Variants in ADGRA2 observed in about 807,000 individuals in gnomAD.
ADGRA2 encodes G-protein coupled receptor 124.
A neutral mutation model predicts 98.7 loss-of-function variants in ADGRA2; 61 were observed. That is an observed-to-expected ratio of 0.62 (90% CI 0.50 to 0.76). The LOEUF (loss-of-function observed/expected upper bound fraction) is 0.76, where lower values mean the gene tolerates loss of function less well. Among genes scored for constraint, ADGRA2 ranks in the 30% least tolerant of loss-of-function variants. ADGRA2 has a pLI of 0.00. For missense variants in ADGRA2, 1,712 were observed against 1,860.0 expected, an observed-to-expected ratio of 0.92 and a Z score of 1.46; for synonymous variants, 858 against 831.5, an observed-to-expected ratio of 1.03 and a Z score of -0.55.
chr8:37,828,328 G>C (rs1805341152), intron 2 of ADGRA2, among the ~76,000 whole-genome samples: 1 of 152,144 alleles, frequency 6.6e-6, no homozygotes, highest in Non-Finnish European at 1.5e-5. Flanking sequence ...GGTGGGAAAG[G>C]AGGCCTCCTA....
chr8:37,801,028 G>T (rs1320937663), intron 1 of ADGRA2, among the ~76,000 whole-genome samples: 2 of 152,080 alleles, frequency 1.3e-5, no homozygotes, highest in African/African-American at 4.8e-5. Context: ...GGGCTGTTCA[G>T]GCATGAAGGT....
intron 1 of ADGRA2, among the ~76,000 whole-genome samples, chr8:37,800,758 G>C (rs886470452): frequency 6.6e-6 from 1 of 152,142 alleles, no homozygotes; most frequent in African/African-American, 2.4e-5. Context: ...AGAGCTGAGA[G>C]CCGCCCCACA....
chr8:37,804,843 T>C (rs1435358432), intron 1 of ADGRA2, among the ~76,000 whole-genome samples: 2 of 152,224 alleles, frequency 1.3e-5, no homozygotes, highest in Non-Finnish European at 2.9e-5. Flanking sequence ...CCCGACCCCA[T>C]AATGGCCTAA....
chr8:37,835,301 A>T lies in ADGRA2; in HGVS notation c.1736A>T (p.Asn579Ile), dbSNP rs1563350970. The change falls in exon 12 of 19, where the codon AAC (asparagine) becomes ATC (isoleucine). Residue 579 changes from asparagine to isoleucine, a missense_variant. By Grantham distance (149) the Asn-to-Ile change is moderately radical. Coordinates refer to ENST00000412232, the MANE Select transcript of ADGRA2 (RefSeq NM_032777.10). ...PGTRPGSPGQ[N>I]PPPEPEPPAD... is the part of the protein sequence containing the mutation. The stretch of plus-strand genomic sequence containing the variant: ...ACACGGCCAGGAAGCCCTGGCCAGA[A>T]CCCCCCACCTGAGCCCGAGCCCCCA... 6.2e-7 allele frequency: 1 copy of T among 1,613,288 alleles called. No homozygotes were observed. Among genetic ancestry groups the T allele is most frequent in the Non-Finnish European group, 8.5e-7 (1 of 1,179,838 alleles).
chr8:37,840,387 G>A, intron 17 of ADGRA2, 121 bp downstream of exon 17: 1 of 1,096,330 alleles, frequency 9.1e-7, no homozygotes, highest in Admixed American at 1.8e-5. Flanking sequence ...CCAAAGACGG[G>A]GGAGGCTAGG....
At chr8:37,831,354 G>A in intron 7 of ADGRA2, 69 bp from the exon 8 acceptor site, 1 of 1,469,274 alleles carries the variant, frequency 6.8e-7, no homozygotes, top group Non-Finnish European at 9.4e-7. Flanking sequence ...TTGTAGGACG[G>A]TGCTGAGGGA....
intron 1 of ADGRA2, among the ~76,000 whole-genome samples, chr8:37,807,394 C>A (rs541167776): frequency 1.6e-4 from 25 of 152,198 alleles, no homozygotes; most frequent in Non-Finnish European, 3.4e-4. Flanking sequence ...GTCGTATCAA[C>A]CATACTAAAA....
At chr8:37,816,966 A>ACACACACG (rs1805000548) in intron 2 of ADGRA2, among the ~76,000 whole-genome samples, 1 of 139,008 alleles carries the variant, frequency 7.2e-6, no homozygotes, top group African/African-American at 2.6e-5. Context: ...ACACACACAC[A>ACACACACG]CACACACACA....
intron 3 of ADGRA2, 74 bp from the exon 4 acceptor site, chr8:37,829,187 C>T (rs1805379944): frequency 1.2e-5 from 13 of 1,124,752 alleles, no homozygotes; most frequent in Non-Finnish European, 1.6e-5. Context: ...CCTGGCCCCA[C>T]CCATGTGTTC....
Position 37,830,637 on chromosome 8 carries a change from T to G in ADGRA2, c.719-73T>G, listed in dbSNP as rs1430098106. On this transcript the variant is annotated intron_variant, in intron 6 of 18. Transcript: ENST00000412232. The surrounding 1 kb of genome is among the most constrained non-coding windows in gnomAD (Gnocchi z 4.8). ...CCCGCCCCGCCCCACCCCATCCTGCTGGACTCTCGCTCACACGTGCAGCCT... is the reference window on the plus strand; with the variant it reads ...CCCGCCCCGCCCCACCCCATCCTGCGGGACTCTCGCTCACACGTGCAGCCT... The G allele has an allele frequency of 2.4e-6, 1 of 416,646 alleles. No individual in the cohort carries two copies. Among genetic ancestry groups the G allele is most frequent in the Non-Finnish European group, 4.8e-6 (1 of 209,180 alleles). 25.8% of individuals were successfully genotyped at this position (416,646 alleles called of 1,614,324 possible).
rs371445004 is a variant in ADGRA2 at position 37,838,931 on chromosome 8, C to T, written c.2260-25C>T. 111 of 1,547,598 alleles carry T rather than the reference C, an allele frequency of 7.2e-5. No homozygotes were observed. In the African/African-American group the frequency reaches 1.1e-3, roughly 15 times the overall value. ...CCTGGCGAGGTGTCCACATTCCTCACGTCCTCCTTCCTGCCCTTTCCCAGG... is the reference window on the plus strand; with the variant it reads ...CCTGGCGAGGTGTCCACATTCCTCATGTCCTCCTTCCTGCCCTTTCCCAGG... On this transcript the variant is annotated intron_variant, in intron 14 of 18. Transcript: ENST00000412232.
intron 1 of ADGRA2, among the ~76,000 whole-genome samples, chr8:37,800,014 T>TC (rs1243518655): frequency 6.6e-6 from 1 of 151,964 alleles, no homozygotes; most frequent in Non-Finnish European, 1.5e-5. Context: ...TGAGGCTCAG[T>TC]CCCTCCAGCA....
intron 1 of ADGRA2, among the ~76,000 whole-genome samples, chr8:37,808,843 C>CA (rs1160298869): frequency 1.3e-5 from 2 of 152,082 alleles, no homozygotes; most frequent in Non-Finnish European, 2.9e-5. Context: ...GTTTTTGAGA[C>CA]AGAGTCTTGC....
Position 37,814,407 on chromosome 8 carries a change from G to GTGAGA in ADGRA2, c.267-488_267-484dup, listed in dbSNP as rs1804922070. ...GGCCTGTGAGGTCCTTCGCTCACAG[G>GTGAGA]TGAGAGTGTGCGAGCCTCCGAGGAA... On this transcript the variant is annotated intron_variant, in intron 1 of 18. Transcript: ENST00000412232. The surrounding 1 kb of genome is among the most constrained non-coding windows in gnomAD (Gnocchi z 4.3). Among the ~76,000 whole-genome samples, 1 of 152,224 alleles carries GTGAGA rather than the reference G, an allele frequency of 6.6e-6. No homozygotes were observed. The highest frequency in any genetic ancestry group is 2.4e-5 in the African/African-American group (1 of 41,468).
Position 37,830,109 on chromosome 8 carries a change from T to C in ADGRA2, c.718+95T>C. The C allele has an allele frequency of 1.3e-6, 1 of 799,616 alleles. No homozygotes were observed. The highest frequency in any genetic ancestry group is 2.0e-5 in the South Asian group (1 of 49,788). 49.5% of individuals were successfully genotyped at this position (799,616 alleles called of 1,614,324 possible). A position where few individuals can be genotyped will look rare whatever the true frequency, so the allele number is the denominator to read the frequency against. On this transcript the variant is annotated intron_variant, in intron 6 of 18. Coordinates refer to ENST00000412232, the MANE Select transcript of ADGRA2 (RefSeq NM_032777.10). This position sits in a 1 kb window ranked among gnomAD's most constrained non-coding sequence, Gnocchi z 4.8. ...GAGCCTCCCCTCAGACCCACAGGTTTTTACCTTTGTATTGCAATTTGCAAA... is the reference window on the plus strand; with the variant it reads ...GAGCCTCCCCTCAGACCCACAGGTTCTTACCTTTGTATTGCAATTTGCAAA...
At chr8:37,810,202 T>C (rs926136818) in intron 1 of ADGRA2, among the ~76,000 whole-genome samples, 2 of 151,944 alleles carry the variant, frequency 1.3e-5, no homozygotes, top group African/African-American at 4.8e-5. Flanking sequence ...CACACACACA[T>C]ATATTTTTAG....
chr8:37,809,989 C>A (rs539573468), intron 1 of ADGRA2, among the ~76,000 whole-genome samples: 16 of 152,320 alleles, frequency 1.1e-4, no homozygotes, highest in Admixed American at 2.6e-4. Flanking sequence ...CCGCCCTGCA[C>A]ACTGACACCA....
At position 37,819,891 on chromosome 8, in the gene ADGRA2, G is replaced by A. The variant is rs1189987813; in HGVS notation, c.338+4924G>A. The stretch of plus-strand genomic sequence containing the variant: ...TCAGCATGTTGGCCAGGCTGGTCTC[G>A]AACTCCTGACCTCAAGTGATCTGCC... On this transcript the variant is annotated intron_variant, in intron 2 of 18. Transcript: ENST00000412232. Among the ~76,000 whole-genome samples the A allele has an allele frequency of 3.3e-5, 5 of 150,428 alleles. No individual in the cohort carries two copies. In the South Asian group the frequency reaches 6.3e-4, roughly 19 times the overall value.
intron 8 of ADGRA2, among the ~76,000 whole-genome samples, chr8:37,832,333 T>G (rs1805481257): frequency 6.6e-6 from 1 of 152,040 alleles, no homozygotes; most frequent in African/African-American, 2.4e-5. Flanking sequence ...GATTACAGGC[T>G]TGAGCCACTG....
Sources: gnomAD v4.1 joint callset for allele counts (sites outside exome capture counted in the v4.1 genomes callset) on GRCh38, gnomAD v4.1.1 for gene constraint, Gnocchi (gnomAD v3.1) non-coding constraint, MANE v1.5 for transcripts, NCBI Gene and HGNC (gene_info 2026-07-23, HGNC 2026-07-21) for gene names.